PCDH15: variants seen among roughly 807,000 people sequenced by gnomAD.
PCDH15 encodes protocadherin-15.
In PCDH15, 129 loss-of-function variants were observed where a neutral mutation model predicts 178.5. The ratio of observed to expected loss-of-function variants is 0.72; its 90% CI spans 0.63 to 0.84. The LOEUF (loss-of-function observed/expected upper bound fraction) is 0.84, where lower values mean the gene tolerates loss of function less well. Ranked by LOEUF, PCDH15 falls within the 40% of genes least tolerant of loss-of-function variation. PCDH15 has a pLI of 0.00. For synonymous variants in PCDH15, 800 were observed against 732.0 expected (o/e 1.09, Z -1.50); for missense variants, 2,230 against 2,099.9 (o/e 1.06, Z -1.21).
chr10:54,226,952 A>G (rs2053522985), intron 9 of PCDH15, among the ~76,000 whole-genome samples: 2 of 152,196 alleles, frequency 1.3e-5, no homozygotes, highest in Admixed American at 6.5e-5. Flanking sequence ...GTGGGCTTCC[A>G]CAGCCTTGGA....
At position 53,817,318 on chromosome 10, in the gene PCDH15, C is replaced by G. The variant is rs553667929; in HGVS notation, c.4452+677G>C. On this transcript the variant is annotated intron_variant, in intron 34 of 37. Transcript: ENST00000644397. ...GTACAGCTGGCCAAATACTACTGGCCAGAATGCCCAGTAAGTTCTCTGCAG... is the reference window on the plus strand; with the variant it reads ...GTACAGCTGGCCAAATACTACTGGCGAGAATGCCCAGTAAGTTCTCTGCAG... Among the ~76,000 whole-genome samples, 11 of 152,120 alleles carry G rather than the reference C, an allele frequency of 7.2e-5. No individual in the cohort carries two copies. In the East Asian group the frequency reaches 1.9e-3, roughly 27 times the overall value.
chr10:53,951,962 G>A lies in PCDH15; in HGVS notation c.3122+7770C>T, dbSNP rs529025877. 3.5e-3 allele frequency among the ~76,000 whole-genome samples: 533 copies of A among 152,308 alleles called. 1 individual carries two copies. Among genetic ancestry groups the A allele is most frequent in the Non-Finnish European group, 5.5e-3 (374 of 68,020 alleles). ...AGATGCCAGCTCCATACAAGCCAGT[G>A]GCTGGATCTGGTGCACTGCAAGCAG... On this transcript the variant is annotated intron_variant, in intron 23 of 37. Transcript: ENST00000644397.
At chr10:53,845,483 T>C (rs1035908091) in intron 28 of PCDH15, among the ~76,000 whole-genome samples, 5 of 151,896 alleles carry the variant, frequency 3.3e-5, no homozygotes, top group African/African-American at 9.7e-5. Flanking sequence ...CCAAAATGTT[T>C]ATCAACAGAT....
chr10:53,934,467 A>G (rs2921916), intron 25 of PCDH15, among the ~76,000 whole-genome samples: 5,364 of 152,092 alleles, frequency 0.035, 288 homozygotes, highest in African/African-American at 0.12. Flanking sequence ...CTGTGGTGGC[A>G]GGCGCCTGTA....
chr10:54,747,044 G>A (rs898826541), intron 1 of PCDH15, among the ~76,000 whole-genome samples: 2 of 152,222 alleles, frequency 1.3e-5, no homozygotes, highest in African/African-American at 4.8e-5. Context: ...ATAGCAATGA[G>A]TTGTAACACC....
At chr10:54,356,681 T>C (rs996904679) in intron 5 of PCDH15, among the ~76,000 whole-genome samples, 1 of 150,288 alleles carries the variant, frequency 6.7e-6, no homozygotes, top group African/African-American at 2.4e-5. Context: ...GTCAAGGTCA[T>C]CAAAAACAAA....
At chr10:54,521,580 A>T (rs1178537197) in intron 3 of PCDH15, among the ~76,000 whole-genome samples, 1 of 152,132 alleles carries the variant, frequency 6.6e-6, no homozygotes, top group East Asian at 1.9e-4. Flanking sequence ...AGAGAATGTA[A>T]TATAACAAAA....
At chr10:54,142,936 T>C (rs1229480577) in intron 14 of PCDH15, among the ~76,000 whole-genome samples, 4 of 152,184 alleles carry the variant, frequency 2.6e-5, no homozygotes, top group Non-Finnish European at 4.4e-5. Context: ...TTTGGCTAAA[T>C]AAATGAATAT....
intron 4 of PCDH15, among the ~76,000 whole-genome samples, chr10:54,373,192 T>C (rs981979577): frequency 6.6e-6 from 1 of 151,858 alleles, no homozygotes; most frequent in African/African-American, 2.4e-5. Context: ...AGTCAATGAT[T>C]TGGGGGGCAG....
At chr10:54,416,288 C>T (rs369496699) in intron 3 of PCDH15, among the ~76,000 whole-genome samples, 10 of 152,024 alleles carry the variant, frequency 6.6e-5, no homozygotes, top group African/African-American at 2.2e-4. Flanking sequence ...TCCCCACCCC[C>T]CAAAAGGCCC....
chr10:54,639,712 A>G (rs1202852608), intron 2 of PCDH15, among the ~76,000 whole-genome samples: 1 of 152,158 alleles, frequency 6.6e-6, no homozygotes, highest in African/African-American at 2.4e-5. Flanking sequence ...CATATACTGT[A>G]AAATCCGCAA....
intron 2 of PCDH15, among the ~76,000 whole-genome samples, chr10:55,418,861 A>G (rs1273389672): frequency 6.6e-6 from 1 of 151,786 alleles, no homozygotes; most frequent in African/African-American, 2.4e-5. Flanking sequence ...TAAAATAATT[A>G]AAGCAGAAGT....
In PCDH15 at chr10:54,425,596, G is replaced by A. The variant is rs550655903; in HGVS notation, c.158-46654C>T. On this transcript the variant is annotated intron_variant, in intron 3 of 37. Transcript: ENST00000644397. Reference sequence around the variant, plus strand: ...TTTGTAAACTAGAATTGGCTGTTTAGCTTCAGCATGTATTTTTTTATAGAT... The same window carrying A: ...TTTGTAAACTAGAATTGGCTGTTTAACTTCAGCATGTATTTTTTTATAGAT... Among the ~76,000 whole-genome samples, 5 of 152,110 alleles carry A rather than the reference G, an allele frequency of 3.3e-5. No homozygotes were observed. In the South Asian group the frequency reaches 6.2e-4, roughly 19 times the overall value.
chr10:55,093,681 C>T (rs1564792265), intron 2 of PCDH15, among the ~76,000 whole-genome samples: 1 of 151,688 alleles, frequency 6.6e-6, no homozygotes, highest in Non-Finnish European at 1.5e-5. Flanking sequence ...GATCCAGTTT[C>T]AACAAATTTA....
chr10:55,341,568 A>G (rs1385154718), intron 2 of PCDH15, among the ~76,000 whole-genome samples: 2 of 143,166 alleles, frequency 1.4e-5, no homozygotes, highest in Non-Finnish European at 3.0e-5. Context: ...ATTCTAGATT[A>G]GCATCCTTTT....
intron 10 of PCDH15, among the ~76,000 whole-genome samples, chr10:54,212,752 G>A (rs902350244): frequency 6.6e-6 from 1 of 152,058 alleles, no homozygotes; most frequent in Admixed American, 6.6e-5. Flanking sequence ...CTGTGCTAAG[G>A]ACATATCTAT....
chr10:54,003,451 C>T (rs2092258072), intron 20 of PCDH15, among the ~76,000 whole-genome samples: 1 of 151,778 alleles, frequency 6.6e-6, no homozygotes, highest in African/African-American at 2.4e-5. Context: ...TGCAGAGATT[C>T]AAGGGATCAT....
At chr10:54,628,702 T>C (rs1011840733) in intron 2 of PCDH15, among the ~76,000 whole-genome samples, 2 of 152,116 alleles carry the variant, frequency 1.3e-5, no homozygotes, top group Non-Finnish European at 2.9e-5. Context: ...TCAAGTATTG[T>C]TTTGGGTGCA....
intron 23 of PCDH15, among the ~76,000 whole-genome samples, chr10:53,945,864 T>TATATAC (rs1554876166): frequency 2.9e-5 from 4 of 140,304 alleles, no homozygotes; most frequent in African/African-American, 1.1e-4. Context: ...TATATATATA[T>TATATAC]ATATATATAT....
Sources: allele counts gnomAD v4.1 joint callset (sites outside exome capture counted in the v4.1 genomes callset), GRCh38; gene constraint gnomAD v4.1.1; transcripts MANE v1.5; gene names NCBI Gene and HGNC (gene_info 2026-07-23, HGNC 2026-07-21).